SV2C: variants seen among roughly 807,000 people sequenced by gnomAD.
SV2C encodes solute carrier family 22 member B3.
A neutral mutation model predicts 79.7 loss-of-function variants in SV2C; 49 were observed. The ratio of observed to expected loss-of-function variants is 0.61; its 90% CI spans 0.49 to 0.78. The LOEUF (loss-of-function observed/expected upper bound fraction) is 0.78. Among genes scored for constraint, SV2C ranks in the 30% least tolerant of loss-of-function variants. The pLI is 0.00. For synonymous variants in SV2C, 334 were observed against 333.2 expected (o/e 1.00, Z -0.03); for missense variants, 833 against 912.9 (o/e 0.91, Z 1.13).
chr5:75,885,568 C>T, the SV2C span, among the ~76,000 whole-genome samples: 1 of 152,070 alleles, frequency 6.6e-6, no homozygotes. Context: ...AACTACTATG[C>T]TATGAGTAAT....
the SV2C span, among the ~76,000 whole-genome samples, chr5:76,034,857 C>T: frequency 2.4e-3 from 361 of 152,222 alleles, 3 homozygotes; most frequent in African/African-American, 6.4e-3. Flanking sequence ...TGGTAGAATT[C>T]GGCTGTGAAT....
intron 3 of SV2C, among the ~76,000 whole-genome samples, chr5:76,205,680 C>T (rs1744586655): frequency 6.6e-6 from 1 of 152,140 alleles, no homozygotes; most frequent in African/African-American, 2.4e-5. Flanking sequence ...ATGTGTTGCC[C>T]ATCAGTTAAT....
At chr5:76,338,533 C>T (rs1018614677), downstream of SV2C, among the ~76,000 whole-genome samples, 1 of 152,194 alleles carries the variant, frequency 6.6e-6, no homozygotes, top group Non-Finnish European at 1.5e-5. Flanking sequence ...TTGGACATAT[C>T]CCACCCCCAC....
the SV2C span, among the ~76,000 whole-genome samples, chr5:75,934,562 A>G: frequency 6.6e-6 from 1 of 152,132 alleles, no homozygotes. Flanking sequence ...CTGGGATTAC[A>G]GGCTTTAGCC....
the SV2C span, among the ~76,000 whole-genome samples, chr5:75,874,264 A>G: frequency 6.6e-6 from 1 of 152,220 alleles, no homozygotes; most frequent in Non-Finnish European, 1.5e-5. Context: ...GCAAATCAAC[A>G]AATGTGATTC....
At chr5:76,286,046 T>C in intron 6 of SV2C, 176 bp downstream of exon 6, 1 of 549,718 alleles carries the variant, frequency 1.8e-6, no homozygotes, top group African/African-American at 1.9e-5. Context: ...ATGGGATGAC[T>C]GTGTGTCAAT....
the SV2C span, among the ~76,000 whole-genome samples, chr5:75,920,408 A>G: frequency 1.3e-5 from 2 of 152,238 alleles, no homozygotes; most frequent in Admixed American, 6.5e-5. Flanking sequence ...ATGCAGTTGC[A>G]TGGAGCTGCC....
chr5:76,030,333 C>T, the SV2C span, among the ~76,000 whole-genome samples: 2 of 94,732 alleles, frequency 2.1e-5, no homozygotes, highest in Non-Finnish European at 4.0e-5. Context: ...GTTTCCATCT[C>T]ATTTGTGTAG....
chr5:76,145,844 C>T (rs1749403194), intron 2 of SV2C, among the ~76,000 whole-genome samples: 1 of 152,204 alleles, frequency 6.6e-6, no homozygotes, highest in African/African-American at 2.4e-5. Context: ...TGGGGGAACA[C>T]AGTTTCACCT....
chr5:75,902,923 T>C, the SV2C span, among the ~76,000 whole-genome samples: 1 of 152,232 alleles, frequency 6.6e-6, no homozygotes, highest in African/African-American at 2.4e-5. Flanking sequence ...CAGGATGATC[T>C]AAAAGGCTAA....
At chr5:75,911,845 T>C in the SV2C span, 2 of 547,310 alleles carry the variant, frequency 3.7e-6, no homozygotes, top group African/African-American at 1.9e-5. Flanking sequence ...AGAATAGGTA[T>C]CTACAAGTGA....
chr5:75,871,191 T>C, the SV2C span, among the ~76,000 whole-genome samples: 2 of 152,340 alleles, frequency 1.3e-5, no homozygotes, highest in African/African-American at 2.4e-5. Flanking sequence ...TATAATTCAA[T>C]GCCTATTTCT....
At chr5:75,867,662 C>T in the SV2C span, among the ~76,000 whole-genome samples, 2 of 152,204 alleles carry the variant, frequency 1.3e-5, no homozygotes, top group African/African-American at 2.4e-5. Flanking sequence ...ATGTTTCTTA[C>T]ATAAGAAGAA....
the SV2C span, among the ~76,000 whole-genome samples, chr5:76,022,917 T>C: frequency 2.0e-5 from 3 of 152,216 alleles, no homozygotes; most frequent in African/African-American, 7.2e-5. Context: ...ATAATGTCTG[T>C]ATAGGATATG....
chr5:76,201,364 A>G (rs1029243748), intron 3 of SV2C, among the ~76,000 whole-genome samples: 1 of 152,236 alleles, frequency 6.6e-6, no homozygotes, highest in East Asian at 1.9e-4. Flanking sequence ...TTTGGATGCT[A>G]GGCAATATCA....
chr5:75,921,606 T>G, the SV2C span: 2 of 970,220 alleles, frequency 2.1e-6, no homozygotes, highest in Non-Finnish European at 1.6e-6. Flanking sequence ...GTGACAATTG[T>G]GTTCTTCTCC....
the SV2C span, chr5:75,920,662 G>T: frequency 1.5e-6 from 1 of 670,104 alleles, no homozygotes; most frequent in South Asian, 1.7e-5. Context: ...GGGAGGAACT[G>T]CCCTCACTCC....
intron 1 of SV2C, among the ~76,000 whole-genome samples, chr5:76,121,929 G>A (rs1367608889): frequency 1.3e-5 from 2 of 152,046 alleles, no homozygotes; most frequent in Admixed American, 1.3e-4. Context: ...AGCTTGATGG[G>A]GATGGCATTG....
At chr5:76,202,571 C>T (rs924061928) in intron 3 of SV2C, among the ~76,000 whole-genome samples, 1 of 152,196 alleles carries the variant, frequency 6.6e-6, no homozygotes. Flanking sequence ...TTGAACAGAT[C>T]AGTCCAAAAA....
Sources: gnomAD v4.1 joint callset for allele counts (sites outside exome capture counted in the v4.1 genomes callset) on GRCh38, gnomAD v4.1.1 for gene constraint, MANE v1.5 for transcripts, NCBI Gene and HGNC (gene_info 2026-07-23, HGNC 2026-07-21) for gene names.